The following FBLN1 variants were observed in gnomAD, a reference collection of about 807,000 sequenced individuals.
The protein encoded by FBLN1 is fibulin 1, also known as fibulin-1.
FBLN1 carries 34 observed loss-of-function variants against 89.7 expected under a neutral mutation model. The observed-to-expected ratio is 0.38, with a 90% CI of 0.29 to 0.50. FBLN1 has a LOEUF of 0.50. Among genes scored for constraint, FBLN1 ranks in the 20% least tolerant of loss-of-function variants. FBLN1 has a pLI of 0.92. For missense variants in FBLN1, 777 were observed against 988.1 expected (o/e 0.79, Z 2.86); for synonymous variants, 393 against 391.3 (o/e 1.00, Z -0.05).
In FBLN1 at chr22:45,534,540, C is replaced by T. The variant is rs551668595; in HGVS notation, c.784+642C>T. 2.6e-5 allele frequency among the ~76,000 whole-genome samples: 4 copies of T among 152,322 alleles called. No homozygotes were observed. In the South Asian group the frequency reaches 8.3e-4, roughly 32 times the overall value. On this transcript the variant is annotated intron_variant, in intron 7 of 16. Transcript: ENST00000327858. Reference sequence around the variant, plus strand: ...GTTTTGCAGAGGGTTTCAAGCCTTTCAGAAGGACAAATCCACTTGTGTAAA... The same window carrying T: ...GTTTTGCAGAGGGTTTCAAGCCTTTTAGAAGGACAAATCCACTTGTGTAAA...
chr22:45,593,491 G>C (rs1383191413), intron 16 of FBLN1, among the ~76,000 whole-genome samples: 1 of 152,242 alleles, frequency 6.6e-6, no homozygotes, highest in Non-Finnish European at 1.5e-5. Flanking sequence ...AGCAGCGTCT[G>C]AGACCTGAAG....
Position 45,563,283 on chromosome 22 carries a change from G to A in FBLN1, c.1698-11228G>A, listed in dbSNP as rs761904513. On this transcript the variant is annotated intron_variant, in intron 14 of 16. Coordinates refer to ENST00000327858, the MANE Select transcript of FBLN1 (RefSeq NM_006486.3). The surrounding 1 kb of genome is among the most constrained non-coding windows in gnomAD (Gnocchi z 5.7). ...GAGCTCTGAGCACTCGCTTCGCGTCGCGGGGTCTCCCTCCTGTTGCTTTCC... is the reference window on the plus strand; with the variant it reads ...GAGCTCTGAGCACTCGCTTCGCGTCACGGGGTCTCCCTCCTGTTGCTTTCC... 9.9e-6 allele frequency: 16 copies of A among 1,613,210 alleles called. No individual in the cohort carries two copies. In the Admixed American group the frequency reaches 1.2e-4, roughly 12 times the overall value.
chr22:45,566,284 A>T (rs921579501), intron 14 of FBLN1, among the ~76,000 whole-genome samples: 6 of 152,144 alleles, frequency 3.9e-5, no homozygotes, highest in Admixed American at 6.5e-5. Flanking sequence ...CCTCTGCAAC[A>T]TTCCCACCAA....
rs908339668 is a variant in FBLN1, at chr22:45,562,818, G to A, written c.1698-11693G>A. The A allele has an allele frequency of 8.6e-6, 11 of 1,277,166 alleles. No homozygotes were observed. Among genetic ancestry groups the A allele is most frequent in the African/African-American group, 4.4e-5 (3 of 68,694 alleles). 79.1% of individuals were successfully genotyped at this position (1,277,166 alleles called of 1,614,324 possible). A position where few individuals can be genotyped will look rare whatever the true frequency, so the allele number is the denominator to read the frequency against. ...GGCCAGAGGGGCGGCGGGAGGCCCCGCCTGCCAGCCCCGCATCCCCGCGCT... is the reference window on the plus strand; with the variant it reads ...GGCCAGAGGGGCGGCGGGAGGCCCCACCTGCCAGCCCCGCATCCCCGCGCT... On this transcript the variant is annotated intron_variant, in intron 14 of 16. Coordinates refer to ENST00000327858, the MANE Select transcript of FBLN1 (RefSeq NM_006486.3). This position sits in a 1 kb window ranked among gnomAD's most constrained non-coding sequence, Gnocchi z 7.8.
At chr22:45,571,372 A>C (rs1188767674) in intron 14 of FBLN1, among the ~76,000 whole-genome samples, 1 of 152,236 alleles carries the variant, frequency 6.6e-6, no homozygotes, top group African/African-American at 2.4e-5. Flanking sequence ...CAAGCATTAA[A>C]CATTCAGTTA....
chr22:45,551,988 G>A (rs1388162901), intron 14 of FBLN1, among the ~76,000 whole-genome samples: 5 of 152,154 alleles, frequency 3.3e-5, no homozygotes, highest in Admixed American at 2.0e-4. Flanking sequence ...GAGGGTGGGC[G>A]GGTTGGCCAT....
At chr22:45,520,024 G>C (rs2088228081) in intron 2 of FBLN1, among the ~76,000 whole-genome samples, 1 of 152,104 alleles carries the variant, frequency 6.6e-6, no homozygotes, top group South Asian at 2.1e-4. Context: ...ATAAAAATTA[G>C]CTGGTTGTGG....
rs774257607 is a variant in FBLN1 at position 45,550,659 on chromosome 22, C to G, written c.1697+44C>G. On this transcript the variant is annotated intron_variant, in intron 14 of 16. Coordinates refer to ENST00000327858, the MANE Select transcript of FBLN1 (RefSeq NM_006486.3). The surrounding 1 kb of genome is among the most constrained non-coding windows in gnomAD (Gnocchi z 8.4). ...GCCATCGTCGTCTGTCTGTGTTGGC[C>G]TTCCTGGTGACCCAGTTCCCGGGTG... is the stretch of plus-strand genomic sequence containing the variant. 1.9e-6 allele frequency: 3 copies of G among 1,613,794 alleles called. No homozygotes were observed. Among genetic ancestry groups the G allele is most frequent in the Non-Finnish European group, 2.5e-6 (3 of 1,179,984 alleles).
chr22:45,577,303 C>T lies in FBLN1; in HGVS notation c.1972+195C>T, dbSNP rs189185527. Among the ~76,000 whole-genome samples, 343 of 152,270 alleles carry T rather than the reference C, an allele frequency of 2.3e-3. 3 individuals are homozygous for T. The highest frequency in any genetic ancestry group is 1.0e-3 in the Non-Finnish European group (70 of 68,004). ...GGAACAGCCAGAGTGGGGGATCCTG[C>T]CTGGGATCTGACCCTAGCTGTGCCA... On this transcript the variant is annotated intron_variant, in intron 16 of 16. Transcript: ENST00000327858. This position sits in a 1 kb window ranked among gnomAD's most constrained non-coding sequence, Gnocchi z 6.6.
At chr22:45,513,879 T>C (rs1569233844) in intron 1 of FBLN1, among the ~76,000 whole-genome samples, 3 of 152,068 alleles carry the variant, frequency 2.0e-5, no homozygotes, top group Admixed American at 6.5e-5. Context: ...CTGCAACCTC[T>C]GCCTCCCAGG....
chr22:45,521,813 A>G (rs1347345035), intron 2 of FBLN1, among the ~76,000 whole-genome samples: 1 of 152,192 alleles, frequency 6.6e-6, no homozygotes, highest in Non-Finnish European at 1.5e-5. Flanking sequence ...ATGCTAATGA[A>G]GGGATTTTCT....
chr22:45,586,065 T>G (rs2089082892), intron 16 of FBLN1, among the ~76,000 whole-genome samples: 1 of 152,136 alleles, frequency 6.6e-6, no homozygotes, highest in African/African-American at 2.4e-5. Context: ...TTGAGCCTAC[T>G]TCAGTGAGAC....
intron 14 of FBLN1, among the ~76,000 whole-genome samples, chr22:45,573,044 T>A (rs1485964639): frequency 6.6e-6 from 1 of 151,964 alleles, no homozygotes; most frequent in East Asian, 1.9e-4. Flanking sequence ...CCGACCAACA[T>A]GGTGAAGCCC....
intron 3 of FBLN1, 55 bp from the exon 4 acceptor site, chr22:45,527,792 C>G: frequency 6.2e-7 from 1 of 1,605,994 alleles, no homozygotes; most frequent in Non-Finnish European, 8.5e-7. Flanking sequence ...CTCTCGTGGA[C>G]CCCGCTGGGC....
intron 8 of FBLN1, among the ~76,000 whole-genome samples, chr22:45,538,403 G>T (rs552989575): frequency 2.0e-4 from 31 of 152,290 alleles, no homozygotes; most frequent in African/African-American, 7.2e-4. Context: ...AATCCTGCCC[G>T]CCTCTTGGCA....
rs575947525 is a variant in FBLN1 at position 45,588,326 on chromosome 22, C to A, written c.1972+11218C>A. On this transcript the variant is annotated intron_variant, in intron 16 of 16. Transcript: ENST00000327858. This position sits in a 1 kb window ranked among gnomAD's most constrained non-coding sequence, Gnocchi z 5.1. ...TCCTTCTGGAAAGTCTGTCGTGAAC[C>A]AGAGCAGATAAATGCTTGTGCTGGG... 9.9e-5 allele frequency among the ~76,000 whole-genome samples: 15 copies of A among 152,212 alleles called. No homozygotes were observed. In the South Asian group the frequency reaches 3.1e-3, roughly 32 times the overall value.
In FBLN1 at chr22:45,574,923, A is replaced by G. The variant is rs1026478511; in HGVS notation, c.1840+270A>G. On this transcript the variant is annotated intron_variant, in intron 15 of 16. Coordinates refer to ENST00000327858, the MANE Select transcript of FBLN1 (RefSeq NM_006486.3). This position sits in a 1 kb window ranked among gnomAD's most constrained non-coding sequence, Gnocchi z 4.1. ...CAGCCTTCCGAGTAGCTGGGACTAC[A>G]GGCGCCCGCCACCACGCCTGGCTAA... 4.6e-5 allele frequency among the ~76,000 whole-genome samples: 7 copies of G among 151,816 alleles called. No individual in the cohort carries two copies. Among genetic ancestry groups the G allele is most frequent in the African/African-American group, 1.7e-4 (7 of 41,370 alleles).
chr22:45,564,615 C>T (rs116303782), intron 14 of FBLN1, among the ~76,000 whole-genome samples: 2 of 152,256 alleles, frequency 1.3e-5, no homozygotes, highest in African/African-American at 4.8e-5. Context: ...CCGTCCTTCT[C>T]ATGACCCCTT....
chr22:45,598,909 T>C (rs1298276804), intron 16 of FBLN1, among the ~76,000 whole-genome samples: 1 of 152,170 alleles, frequency 6.6e-6, no homozygotes, highest in East Asian at 1.9e-4. Context: ...GGCCTCAGCC[T>C]CTCCGCAGTG....
Sources: allele counts gnomAD v4.1 joint callset (sites outside exome capture counted in the v4.1 genomes callset), GRCh38; gene constraint gnomAD v4.1.1; non-coding constraint Gnocchi (gnomAD v3.1); transcripts MANE v1.5; gene names NCBI Gene and HGNC (gene_info 2026-07-23, HGNC 2026-07-21).